GLI3: variants seen among roughly 807,000 people sequenced by gnomAD.
The protein encoded by GLI3 is transcription activator GLI3.
A neutral mutation model predicts 100.8 loss-of-function variants in GLI3; 20 were observed. The ratio of observed to expected loss-of-function variants is 0.20; its 90% CI spans 0.14 to 0.29. GLI3 has a LOEUF of 0.29. Ranked by LOEUF, GLI3 falls within the 10% of genes least tolerant of loss-of-function variation. The pLI, the probability that GLI3 is intolerant of heterozygous loss-of-function variation, is 1.00. For synonymous variants in GLI3, 938 were observed against 860.5 expected (o/e 1.09, Z -1.58); for missense variants, 2,040 against 2,128.5 (o/e 0.96, Z 0.82).
chr7:42,144,992 C>T (rs1786667524), intron 3 of GLI3, among the ~76,000 whole-genome samples: 1 of 152,202 alleles, frequency 6.6e-6, no homozygotes, highest in Admixed American at 6.5e-5. Flanking sequence ...GGGCCCACGA[C>T]TGAGACAAGC....
chr7:42,086,174 G>A (rs764121567), intron 3 of GLI3, among the ~76,000 whole-genome samples: 13 of 152,152 alleles, frequency 8.5e-5, no homozygotes, highest in Non-Finnish European at 1.2e-4. Context: ...GTCAAGCAAT[G>A]TGCAATGCCT....
chr7:42,191,305 A>G (rs1787820876), intron 2 of GLI3, among the ~76,000 whole-genome samples: 1 of 152,192 alleles, frequency 6.6e-6, no homozygotes, highest in Non-Finnish European at 1.5e-5. Context: ...AGCAATTACC[A>G]GTCAATAAAA....
At chr7:41,992,588 C>T (rs1029602168) in intron 10 of GLI3, among the ~76,000 whole-genome samples, 1 of 152,142 alleles carries the variant, frequency 6.6e-6, no homozygotes, top group Non-Finnish European at 1.5e-5. Context: ...TTGAAAACCC[C>T]TGACCAATGG....
chr7:41,966,645 G>A lies in GLI3; in HGVS notation c.2432-4C>T. 1.2e-6 allele frequency: 2 copies of A among 1,614,026 alleles called. No homozygotes were observed. The highest frequency in any genetic ancestry group is 1.3e-5 in the African/African-American group (1 of 75,064). ...CAGGTGTTGTTGGACTGTGTGCCTGGAGACAGAGAAAGGGAGAGACCATGC... is the reference window on the plus strand; with the variant it reads ...CAGGTGTTGTTGGACTGTGTGCCTGAAGACAGAGAAAGGGAGAGACCATGC... On this transcript the variant is annotated splice_region_variant and splice_polypyrimidine_tract_variant and intron_variant, in intron 14 of 14. Transcript: ENST00000395925. This position sits in a 1 kb window ranked among gnomAD's most constrained non-coding sequence, Gnocchi z 5.8.
At chr7:42,129,636 C>G (rs1037078396) in intron 3 of GLI3, among the ~76,000 whole-genome samples, 2 of 152,052 alleles carry the variant, frequency 1.3e-5, no homozygotes, top group Admixed American at 6.6e-5. Flanking sequence ...TGGTGAAACC[C>G]CGTCTCTACC....
At chr7:42,158,348 A>G (rs2128792172) in intron 2 of GLI3, among the ~76,000 whole-genome samples, 1 of 152,318 alleles carries the variant, frequency 6.6e-6, no homozygotes, top group East Asian at 1.9e-4. Context: ...GACTGGCTTA[A>G]AGTCACCCTT....
intron 2 of GLI3, among the ~76,000 whole-genome samples, chr7:42,149,183 AGAGT>A (rs1786795635): frequency 2.0e-5 from 3 of 152,138 alleles, no homozygotes; most frequent in Non-Finnish European, 4.4e-5. Flanking sequence ...AGAGGAACAC[AGAGT>A]GAGACTGAAA....
intron 3 of GLI3, among the ~76,000 whole-genome samples, chr7:42,089,256 A>G (rs1044145641): frequency 2.6e-5 from 4 of 152,176 alleles, no homozygotes; most frequent in South Asian, 2.1e-4. Context: ...CACTTCCTCA[A>G]TGAGTTTCCA....
chr7:42,243,938 A>G (rs981901636), intron 1 of GLI3, among the ~76,000 whole-genome samples: 7 of 152,016 alleles, frequency 4.6e-5, no homozygotes, highest in Admixed American at 1.3e-4. Context: ...GGTTCAACCA[A>G]TTTTCCTGCC....
At chr7:42,030,007 A>C (rs1473582716) in intron 7 of GLI3, among the ~76,000 whole-genome samples, 3 of 152,218 alleles carry the variant, frequency 2.0e-5, no homozygotes, top group Non-Finnish European at 4.4e-5. Flanking sequence ...CTGCTGCAAC[A>C]AACAGCCCAA....
chr7:41,990,380 A>AT (rs1787951697), intron 10 of GLI3, among the ~76,000 whole-genome samples: 8 of 152,294 alleles, frequency 5.3e-5, no homozygotes, highest in Non-Finnish European at 1.2e-4. Context: ...TGTGATTCCA[A>AT]GAAAATTCAA....
chr7:42,055,714 T>A (rs1784446172), intron 4 of GLI3, among the ~76,000 whole-genome samples: 2 of 152,216 alleles, frequency 1.3e-5, no homozygotes, highest in South Asian at 4.1e-4. Flanking sequence ...TTTCCAATCC[T>A]ATTTTCATCA....
chr7:42,076,933 C>CATATGTAAG, intron 3 of GLI3, 76 bp from the exon 4 acceptor site: 1 of 856,836 alleles, frequency 1.2e-6, no homozygotes, highest in South Asian at 1.4e-5. Flanking sequence ...AGCAACATTG[C>CATATGTAAG]TATACTATTG....
intron 10 of GLI3, among the ~76,000 whole-genome samples, chr7:41,993,803 G>A (rs1788051064): frequency 6.6e-6 from 1 of 152,250 alleles, no homozygotes; most frequent in African/African-American, 2.4e-5. Context: ...AGAAGCCACA[G>A]GAAACGGAAG....
chr7:42,034,857 T>C (rs1789396420), intron 7 of GLI3, among the ~76,000 whole-genome samples: 1 of 152,138 alleles, frequency 6.6e-6, no homozygotes, highest in Non-Finnish European at 1.5e-5. Context: ...CGTTTATTAA[T>C]ATGCTTAGAG....
chr7:42,196,377 G>A (rs1787928422), intron 2 of GLI3, among the ~76,000 whole-genome samples: 1 of 152,088 alleles, frequency 6.6e-6, no homozygotes, highest in Non-Finnish European at 1.5e-5. Context: ...TGGATGGGAG[G>A]GGCCAGCTTT....
At chr7:41,992,486 T>C (rs1426293664) in intron 10 of GLI3, among the ~76,000 whole-genome samples, 2 of 152,232 alleles carry the variant, frequency 1.3e-5, no homozygotes, top group East Asian at 3.9e-4. Flanking sequence ...CTGCAGCTGA[T>C]GCAGGAATGT....
intron 3 of GLI3, among the ~76,000 whole-genome samples, chr7:42,132,247 C>CCTGCCACCACGCCTGT (rs1464355581): frequency 1.3e-5 from 2 of 151,320 alleles, no homozygotes; most frequent in South Asian, 2.1e-4. Flanking sequence ...ACTACAGGCG[C>CCTGCCACCACGCCTGT]CCGCCACTAC....
chr7:42,183,092 C>T (rs571509686), intron 2 of GLI3, among the ~76,000 whole-genome samples: 8 of 152,084 alleles, frequency 5.3e-5, no homozygotes, highest in African/African-American at 1.2e-4. Flanking sequence ...GGCATGGTGG[C>T]GCACACCTGT....
Sources: allele counts gnomAD v4.1 joint callset (sites outside exome capture counted in the v4.1 genomes callset), GRCh38; gene constraint gnomAD v4.1.1; non-coding constraint Gnocchi (gnomAD v3.1); transcripts MANE v1.5; gene names NCBI Gene and HGNC (gene_info 2026-07-23, HGNC 2026-07-21).